The following LRRC7 variants were observed in gnomAD, a reference collection of about 807,000 sequenced individuals.
LRRC7 encodes the protein leucine-rich repeat-containing protein 7.
A neutral mutation model predicts 175.7 loss-of-function variants in LRRC7; 23 were observed. The observed-to-expected ratio is 0.13, with a 90% CI of 0.09 to 0.19. The LOEUF (loss-of-function observed/expected upper bound fraction) is 0.19. LRRC7 is among the 10% of genes least tolerant of loss of function. The pLI, the probability that LRRC7 is intolerant of heterozygous loss-of-function variation, is 1.00. For synonymous variants in LRRC7, 685 were observed against 680.9 expected, an observed-to-expected ratio of 1.01 and a Z score of -0.09; for missense variants, 1,354 against 1,904.7, an observed-to-expected ratio of 0.71 and a Z score of 5.38.
rs187237135 is a variant in LRRC7 at position 69,866,577 on chromosome 1, G to A, written c.647+28294G>A. Among the ~76,000 whole-genome samples, 40 of 152,162 alleles carry A rather than the reference G, an allele frequency of 2.6e-4. 1 individual carries two copies. The South Asian group carries it at 5.0e-3, about 19-fold the overall frequency. ...CCTAAATCTTCTTGCTATAATTGTG[G>A]CTAAATAAGAGGATATTTACATCTT... On this transcript the variant is annotated intron_variant, in intron 7 of 26. Coordinates refer to ENST00000651989, the MANE Select transcript of LRRC7 (RefSeq NM_001370785.2).
intron 7 of LRRC7, among the ~76,000 whole-genome samples, chr1:69,841,290 T>A (rs1292208470): frequency 6.6e-6 from 1 of 151,864 alleles, no homozygotes; most frequent in Non-Finnish European, 1.5e-5. Flanking sequence ...AGAGAGAGAG[T>A]GTGCATCTAA....
chr1:69,892,920 A>T (rs1481184140), intron 7 of LRRC7, among the ~76,000 whole-genome samples: 1 of 152,200 alleles, frequency 6.6e-6, no homozygotes, highest in Non-Finnish European at 1.5e-5. Flanking sequence ...TAAGAAATCA[A>T]ATTACTTATG....
At chr1:69,913,304 G>C (rs977170690) in intron 7 of LRRC7, among the ~76,000 whole-genome samples, 4 of 152,104 alleles carry the variant, frequency 2.6e-5, no homozygotes, top group African/African-American at 4.8e-5. Flanking sequence ...ACTTTTTGTT[G>C]TTCTTGAGGG....
At chr1:69,753,294 GTA>G (rs749696099) in intron 2 of LRRC7, among the ~76,000 whole-genome samples, 9,211 of 119,882 alleles carry the variant, frequency 0.077, 398 homozygotes, top group African/African-American at 0.14. Context: ...GTGTGTGTGT[GTA>G]TGTGTGTGTG....
At chr1:69,939,194 AG>A (rs1648438216) in intron 8 of LRRC7, among the ~76,000 whole-genome samples, 1 of 151,724 alleles carries the variant, frequency 6.6e-6, no homozygotes, top group Non-Finnish European at 1.5e-5. Context: ...TATTTAACAA[AG>A]AAAGTTTAAT....
intron 1 of LRRC7, among the ~76,000 whole-genome samples, chr1:69,599,539 T>G (rs1032666682): frequency 1.3e-5 from 2 of 152,242 alleles, no homozygotes; most frequent in African/African-American, 4.8e-5. Context: ...TGATTATATA[T>G]GCTTTAGAAA....
chr1:69,902,883 C>T (rs1646177214), intron 7 of LRRC7, among the ~76,000 whole-genome samples: 1 of 152,250 alleles, frequency 6.6e-6, no homozygotes, highest in South Asian at 2.1e-4. Context: ...AATTAGACTT[C>T]GTGTCTTTTA....
chr1:69,790,468 A>C (rs1013537893), intron 3 of LRRC7, among the ~76,000 whole-genome samples: 5 of 152,026 alleles, frequency 3.3e-5, no homozygotes, highest in African/African-American at 1.2e-4. Flanking sequence ...TTTATAAAAC[A>C]AACAAATTGT....
At chr1:69,865,469 C>CTTTTTTTTTTTTTTTTTTTTTTCTTTTT (rs1684825435) in intron 7 of LRRC7, among the ~76,000 whole-genome samples, 3 of 51,260 alleles carry the variant, frequency 5.9e-5, no homozygotes, top group Non-Finnish European at 1.0e-4. Flanking sequence ...AAGACAGTTC[C>CTTTTTTTTTTTTTTTTTTTTTTCTTTTT]TTTTTTTTTT....
chr1:69,633,621 A>G (rs6683654), intron 1 of LRRC7, among the ~76,000 whole-genome samples: 24,919 of 151,766 alleles, frequency 0.16, 2,953 homozygotes, highest in African/African-American at 0.34. Context: ...CAGAGATAGT[A>G]TTTCACCATG....
intron 2 of LRRC7, among the ~76,000 whole-genome samples, chr1:69,740,705 G>C (rs563028703): frequency 1.2e-4 from 18 of 152,192 alleles, no homozygotes; most frequent in African/African-American, 4.1e-4. Context: ...GATTGGCACA[G>C]GTGTGGGCTA....
intron 21 of LRRC7, among the ~76,000 whole-genome samples, chr1:70,043,000 T>G (rs1047694592): frequency 1.3e-5 from 2 of 152,142 alleles, no homozygotes; most frequent in African/African-American, 4.8e-5. Flanking sequence ...TGTGATTTTT[T>G]TTTTTCCAAA....
chr1:69,812,663 T>C (rs1052119335), intron 4 of LRRC7, among the ~76,000 whole-genome samples: 1 of 152,150 alleles, frequency 6.6e-6, no homozygotes, highest in Non-Finnish European at 1.5e-5. Context: ...CTTTTGTCTT[T>C]ATTAGCATAT....
At chr1:69,670,526 A>G (rs1658921843) in intron 1 of LRRC7, among the ~76,000 whole-genome samples, 1 of 152,140 alleles carries the variant, frequency 6.6e-6, no homozygotes, top group African/African-American at 2.4e-5. Flanking sequence ...ACCTATGTTC[A>G]GTCAAGGCCC....
intron 1 of LRRC7, among the ~76,000 whole-genome samples, chr1:69,572,420 G>C (rs1047253074): frequency 2.6e-5 from 4 of 151,972 alleles, no homozygotes; most frequent in East Asian, 1.9e-4. Flanking sequence ...TCATAGACAG[G>C]CTTCACATAT....
chr1:69,901,812 G>T (rs1387622667), intron 7 of LRRC7, among the ~76,000 whole-genome samples: 1 of 151,922 alleles, frequency 6.6e-6, no homozygotes, highest in Non-Finnish European at 1.5e-5. Flanking sequence ...CTTTGCTTGG[G>T]ATTCCCATTC....
intron 4 of LRRC7, among the ~76,000 whole-genome samples, chr1:69,802,226 A>G (rs897055036): frequency 6.6e-6 from 1 of 151,478 alleles, no homozygotes; most frequent in Non-Finnish European, 1.5e-5. Flanking sequence ...CTGTATGTCT[A>G]TTAGGCCCAT....
At chr1:69,666,754 A>G (rs1432312478) in intron 1 of LRRC7, among the ~76,000 whole-genome samples, 2 of 152,006 alleles carry the variant, frequency 1.3e-5, no homozygotes, top group East Asian at 3.9e-4. Context: ...TTTTTCAAAA[A>G]AAAATTATTT....
At position 70,132,579 on chromosome 1, in the gene LRRC7, C is replaced by T. The variant is rs991458124; in HGVS notation, c.*10692C>T. Reference sequence around the variant, plus strand: ...CTCCGCCCTCCGAGTTCAAGCGATTCTCCTGCCTCAGCCTCCCGAGTAGCT... The same window carrying T: ...CTCCGCCCTCCGAGTTCAAGCGATTTTCCTGCCTCAGCCTCCCGAGTAGCT... On this transcript the variant is annotated 3_prime_UTR_variant, in exon 27 of 27. Coordinates refer to ENST00000651989, the MANE Select transcript of LRRC7 (RefSeq NM_001370785.2). Among the ~76,000 whole-genome samples, 9 of 149,978 alleles carry T rather than the reference C, an allele frequency of 6.0e-5. No homozygotes were observed. Among genetic ancestry groups the T allele is most frequent in the Admixed American group, 3.4e-4 (5 of 14,904 alleles).
Sources: gnomAD v4.1 joint callset for allele counts (sites outside exome capture counted in the v4.1 genomes callset) on GRCh38, gnomAD v4.1.1 for gene constraint, MANE v1.5 for transcripts, NCBI Gene and HGNC (gene_info 2026-07-23, HGNC 2026-07-21) for gene names.